Variants in TRPM2 observed in about 807,000 individuals in gnomAD.
The protein encoded by TRPM2 is estrogen-responsive element-associated gene 1 protein.
Under a neutral mutation model 174.0 loss-of-function variants are expected in TRPM2, and 161 were observed. The observed-to-expected ratio is 0.93, with a 90% CI of 0.81 to 1.05. TRPM2 has a LOEUF of 1.05. TRPM2 is among the 50% of genes least tolerant of loss of function. The pLI, the probability that TRPM2 is intolerant of heterozygous loss-of-function variation, is 0.00. For synonymous variants in TRPM2, 954 were observed against 861.3 expected, an observed-to-expected ratio of 1.11 and a Z score of -1.88; for missense variants, 2,057 against 2,038.0, an observed-to-expected ratio of 1.01 and a Z score of -0.18.
intron 19 of TRPM2, among the ~76,000 whole-genome samples, chr21:44,409,868 G>GTTGA (rs2050039000): frequency 1.4e-5 from 2 of 141,132 alleles, no homozygotes; most frequent in African/African-American, 2.5e-5. Flanking sequence ...ACACTGTCTT[G>GTTGA]GCGTAGACTT....
intron 22 of TRPM2, among the ~76,000 whole-genome samples, chr21:44,421,686 G>C (rs926028248): frequency 2.0e-5 from 3 of 152,110 alleles, no homozygotes; most frequent in African/African-American, 7.2e-5. Context: ...CACAGCAGGA[G>C]GATTTCTTGA....
chr21:44,401,600 A>G, intron 15 of TRPM2, 81 bp from the exon 16 acceptor site: 1 of 1,449,898 alleles, frequency 6.9e-7, no homozygotes, highest in Non-Finnish European at 9.6e-7. Context: ...GGCACGGGGG[A>G]TCACGGGGTG....
rs2051364569 is a variant in TRPM2, at chr21:44,438,588, G to A, written c.4168-479G>A. ...AGGAGGAGGTGCAGGCCGGAGCTGG[G>A]TCCCTGAGTCAGGTGGCGCTCGGGA... is the stretch of plus-strand genomic sequence containing the variant. On this transcript the variant is annotated intron_variant, in intron 29 of 31. Transcript: ENST00000397928. The surrounding 1 kb of genome is among the most constrained non-coding windows in gnomAD (Gnocchi z 5.9). Among the ~76,000 whole-genome samples, 1 of 152,098 alleles carries A rather than the reference G, an allele frequency of 6.6e-6. No individual in the cohort carries two copies. The highest frequency in any genetic ancestry group is 1.5e-5 in the Non-Finnish European group (1 of 68,018).
chr21:44,394,321 T>C (rs920325157), intron 11 of TRPM2, among the ~76,000 whole-genome samples: 5 of 144,666 alleles, frequency 3.5e-5, no homozygotes, highest in Admixed American at 6.9e-5. Flanking sequence ...ACATTTCTTT[T>C]TTTTTTTTTT....
chr21:44,377,850 C>G, intron 7 of TRPM2, 77 bp downstream of exon 7: 2 of 1,522,578 alleles, frequency 1.3e-6, no homozygotes, highest in Middle Eastern at 1.7e-4. Context: ...AAGTGCTTGT[C>G]TCAGAACTCA....
chr21:44,412,115 G>A (rs1451296892), intron 19 of TRPM2, among the ~76,000 whole-genome samples: 1 of 152,100 alleles, frequency 6.6e-6, no homozygotes, highest in Non-Finnish European at 1.5e-5. Flanking sequence ...CTCATAAAAT[G>A]GCTTAGGAAG....
At position 44,375,880 on chromosome 21, in the gene TRPM2, C is replaced by A. The variant is rs143048616; in HGVS notation, c.819C>A (p.Asn273Lys). The A allele has an allele frequency of 3.4e-4, 548 of 1,614,032 alleles. 2 individuals carry two copies. In the African/African-American group the frequency reaches 6.6e-3, roughly 19 times the overall value. The change falls in exon 6 of 32, where the codon AAC (asparagine) becomes AAA (lysine). Residue 273 changes from asparagine (N) to lysine (K), a missense_variant. Coordinates refer to ENST00000397928, the MANE Select transcript of TRPM2 (RefSeq NM_003307.4). ...TACTGGATGAGGATGGCCAAGGGAA[C>A]CTGACCTGCCTAGACAGCAACCACT... ...EYILDEDGQGNLTCLDSNHSH... is the reference protein window; with the variant it reads ...EYILDEDGQGKLTCLDSNHSH...
At position 44,442,061 on chromosome 21, in the gene TRPM2, C is replaced by A; in HGVS notation, c.*244C>A. 2 of 463,488 alleles carry A rather than the reference C, an allele frequency of 4.3e-6. No individual in the cohort carries two copies. Among genetic ancestry groups the A allele is most frequent in the Non-Finnish European group, 6.9e-6 (2 of 288,254 alleles). 28.7% of individuals were successfully genotyped at this position (463,488 alleles called of 1,614,324 possible). ...GCACAGGCTACTCAGAGCTGAGGGG[C>A]CCCTGGGACCCTTGGCCATCAGGCG... is the stretch of plus-strand genomic sequence containing the variant. On this transcript the variant is annotated 3_prime_UTR_variant, in exon 32 of 32. Coordinates refer to ENST00000397928, the MANE Select transcript of TRPM2 (RefSeq NM_003307.4).
chr21:44,417,826 C>G (rs1040832119), intron 20 of TRPM2, 101 bp from the exon 21 acceptor site: 3 of 1,272,818 alleles, frequency 2.4e-6, no homozygotes, highest in Admixed American at 2.0e-5. Context: ...GTGGGCGTGG[C>G]TCTGCTCTCT....
chr21:44,356,529 CTA>C (rs1490912872), intron 2 of TRPM2, among the ~76,000 whole-genome samples: 5 of 139,578 alleles, frequency 3.6e-5, no homozygotes. Context: ...TGCTGCTTGG[CTA>C]TTTTTTTTTT....
intron 14 of TRPM2, 76 bp from the exon 15 acceptor site, chr21:44,400,183 C>T (rs1215132665): frequency 7.7e-7 from 1 of 1,303,098 alleles, no homozygotes; most frequent in Non-Finnish European, 1.1e-6. Flanking sequence ...ACCCCGAGTC[C>T]TCAGCAGACA....
chr21:44,432,508 T>A lies in TRPM2; in HGVS notation c.3975-2623T>A, dbSNP rs1056375654. On this transcript the variant is annotated intron_variant, in intron 27 of 31. Coordinates refer to ENST00000397928, the MANE Select transcript of TRPM2 (RefSeq NM_003307.4). The surrounding 1 kb of genome is among the most constrained non-coding windows in gnomAD (Gnocchi z 4.9). ...AGGTTCTGGGAAGGACATACATTTG[T>A]GGGCATTGTTCACCCCAGTGCATCT... Among the ~76,000 whole-genome samples, 2 of 152,218 alleles carry A rather than the reference T, an allele frequency of 1.3e-5. No homozygotes were observed. The highest frequency in any genetic ancestry group is 4.8e-5 in the African/African-American group (2 of 41,454).
chr21:44,371,343 G>A (rs1159194018), intron 5 of TRPM2, among the ~76,000 whole-genome samples: 1 of 101,526 alleles, frequency 9.8e-6, no homozygotes, highest in Non-Finnish European at 1.9e-5. Context: ...TCCCGTGGCC[G>A]CCTCCCTCCA....
rs201225789 is a variant in TRPM2, at chr21:44,379,020, C to T, written c.1038C>T (p.Asn346=). 51 of 1,608,202 alleles carry T rather than the reference C, an allele frequency of 3.2e-5. No individual in the cohort carries two copies. The East Asian group carries it at 8.5e-4, about 27-fold the overall frequency. Residue 346 remains asparagine, a synonymous_variant, in exon 8 of 32, where the codon AAC becomes AAT. Coordinates refer to ENST00000397928, the MANE Select transcript of TRPM2 (RefSeq NM_003307.4). The part of the protein sequence containing the change: ...TLHTIDNATT[N]GTPCVVVEGS... ...AGACCATCGACAACGCCACCACCAA[C>T]GGCACCCCCTGTGTGGTTGTGGAGG...
intron 16 of TRPM2, among the ~76,000 whole-genome samples, chr21:44,402,557 C>T (rs916939612): frequency 6.6e-6 from 1 of 152,160 alleles, no homozygotes; most frequent in Non-Finnish European, 1.5e-5. Flanking sequence ...CCTCAGTCTC[C>T]AGCCCTCCAA....
chr21:44,412,663 C>T (rs1601192392), intron 19 of TRPM2, among the ~76,000 whole-genome samples: 1 of 151,982 alleles, frequency 6.6e-6, no homozygotes, highest in South Asian at 2.1e-4. Context: ...AGCATCCAGT[C>T]TTTCCCACTG....
rs2047993465 is a variant in TRPM2 at position 44,354,183 on chromosome 21, T to C, written c.165+318T>C. ...TAATGATTTCACATCCTTTATCCGA[T>C]TGGGAGGGCCTGGGCCTGGGCTAGC... is the stretch of plus-strand genomic sequence containing the variant. On this transcript the variant is annotated intron_variant, in intron 1 of 31. Transcript: ENST00000397928. The surrounding 1 kb of genome is among the most constrained non-coding windows in gnomAD (Gnocchi z 4.3). 6.6e-6 allele frequency among the ~76,000 whole-genome samples: 1 copy of C among 152,198 alleles called. No homozygotes were observed. Among genetic ancestry groups the C allele is most frequent in the Non-Finnish European group, 1.5e-5 (1 of 68,032 alleles).
intron 24 of TRPM2, 147 bp from the exon 25 acceptor site, chr21:44,425,523 G>A (rs1312558238): frequency 2.0e-6 from 2 of 983,446 alleles, no homozygotes; most frequent in African/African-American, 3.3e-5. Context: ...TTCAGAGCTG[G>A]TGTTCGACCT....
chr21:44,387,860 A>C (rs1034752981), intron 9 of TRPM2, among the ~76,000 whole-genome samples: 1 of 152,242 alleles, frequency 6.6e-6, no homozygotes, highest in Non-Finnish European at 1.5e-5. Flanking sequence ...CAAACACATT[A>C]GGATAGCTAC....
Sources: gnomAD v4.1 joint callset for allele counts (sites outside exome capture counted in the v4.1 genomes callset) on GRCh38, gnomAD v4.1.1 for gene constraint, Gnocchi (gnomAD v3.1) non-coding constraint, MANE v1.5 for transcripts, NCBI Gene and HGNC (gene_info 2026-07-23, HGNC 2026-07-21) for gene names.